Variants in PDE1A observed in about 807,000 individuals in gnomAD.
PDE1A encodes the protein phosphodiesterase 1A.
In PDE1A, 35 loss-of-function variants were observed where a neutral mutation model predicts 61.7. The observed-to-expected ratio is 0.57, with a 90% CI of 0.43 to 0.75. The LOEUF (loss-of-function observed/expected upper bound fraction) is 0.75. PDE1A is among the 30% of genes least tolerant of loss of function. The pLI is 0.00. For missense variants in PDE1A, 597 were observed against 630.6 expected, an observed-to-expected ratio of 0.95 and a Z score of 0.57; for synonymous variants, 232 against 213.2, an observed-to-expected ratio of 1.09 and a Z score of -0.77.
chr2:182,142,203 C>T (rs1191501620), downstream of PDE1A: 1 of 151,538 alleles, frequency 6.6e-6, no homozygotes, highest in Admixed American at 6.6e-5. Flanking sequence ...TTGTTACATT[C>T]TGATGGGATA....
At chr2:182,609,563 G>A in the PDE1A span, among the ~76,000 whole-genome samples, 3 of 152,138 alleles carry the variant, frequency 2.0e-5, no homozygotes, top group African/African-American at 4.8e-5. Context: ...AACTCCAGAC[G>A]TGCCGTCTTA....
chr2:182,283,326 G>T (rs1321189777), intron 1 of PDE1A, among the ~76,000 whole-genome samples: 1 of 151,786 alleles, frequency 6.6e-6, no homozygotes, highest in Non-Finnish European at 1.5e-5. Context: ...AAAACAAGTT[G>T]CTTAAACTGG....
chr2:182,499,394 T>G (rs1688953714), intron 2 of PDE1A, among the ~76,000 whole-genome samples: 1 of 152,108 alleles, frequency 6.6e-6, no homozygotes, highest in Non-Finnish European at 1.5e-5. Flanking sequence ...GCCATAATTT[T>G]TGTATTTTTA....
chr2:182,156,589 T>C (rs562895566), intron 13 of PDE1A, among the ~76,000 whole-genome samples: 1 of 152,360 alleles, frequency 6.6e-6, no homozygotes, highest in East Asian at 1.9e-4. Context: ...ATTTTTCATC[T>C]TCCTTCTCTA....
At chr2:182,280,794 ACCAT>A (rs1402082503) in intron 1 of PDE1A, among the ~76,000 whole-genome samples, 5 of 151,870 alleles carry the variant, frequency 3.3e-5, no homozygotes, top group African/African-American at 4.8e-5. Flanking sequence ...AATACATGTG[ACCAT>A]CCATCACCTT....
At chr2:182,292,790 C>T (rs2125890817) in intron 1 of PDE1A, among the ~76,000 whole-genome samples, 1 of 152,148 alleles carries the variant, frequency 6.6e-6, no homozygotes, top group South Asian at 2.1e-4. Context: ...TGATGTTTCT[C>T]ATTCCACATT....
the PDE1A span, among the ~76,000 whole-genome samples, chr2:182,691,500 C>A: frequency 6.6e-6 from 1 of 152,166 alleles, no homozygotes; most frequent in East Asian, 1.9e-4. Context: ...AAACTGGATC[C>A]CTTCCTTGCA....
the PDE1A span, among the ~76,000 whole-genome samples, chr2:182,600,550 T>C: frequency 6.6e-6 from 1 of 152,142 alleles, no homozygotes; most frequent in East Asian, 1.9e-4. Flanking sequence ...GGGGGATGGA[T>C]TTAGATGACA....
chr2:182,186,009 CA>C lies in PDE1A; in HGVS notation c.1398del (p.Ser466ArgfsTer16). 1 of 1,614,014 alleles carries C rather than the reference CA, an allele frequency of 6.2e-7. No homozygotes were observed. Among genetic ancestry groups the C allele is most frequent in the Non-Finnish European group, 8.5e-7 (1 of 1,179,910 alleles). The stretch of plus-strand genomic sequence containing the variant: ...GAGTAGTCTGGGGAATAGGACCCAT[CA>C]CTCATGGAGCCTTTTGTATTTGATC... On this transcript the variant is annotated frameshift_variant, in exon 13 of 14. Transcript: ENST00000351439. LOFTEE classifies it high-confidence loss of function.
the PDE1A span, among the ~76,000 whole-genome samples, chr2:182,590,864 T>C: frequency 6.6e-6 from 1 of 152,210 alleles, no homozygotes; most frequent in Non-Finnish European, 1.5e-5. Flanking sequence ...ACTTGCCTAC[T>C]AGCGAAACAA....
chr2:182,188,086 G>A (rs1309845968), intron 11 of PDE1A, among the ~76,000 whole-genome samples: 1 of 152,034 alleles, frequency 6.6e-6, no homozygotes, highest in African/African-American at 2.4e-5. Flanking sequence ...ACTGTCAACT[G>A]GGGCATCACC....
intron 1 of PDE1A, among the ~76,000 whole-genome samples, chr2:182,301,528 G>A (rs1252432314): frequency 6.6e-6 from 1 of 152,180 alleles, no homozygotes; most frequent in Non-Finnish European, 1.5e-5. Flanking sequence ...TGGTGCAGGG[G>A]TGCTTTTACA....
At chr2:182,294,439 G>A (rs1027293295) in intron 1 of PDE1A, among the ~76,000 whole-genome samples, 9 of 152,136 alleles carry the variant, frequency 5.9e-5, no homozygotes, top group African/African-American at 2.2e-4. Context: ...ACTCATATGA[G>A]TTTTATAATT....
intron 6 of PDE1A, among the ~76,000 whole-genome samples, chr2:182,225,258 G>A (rs1036831576): frequency 2.0e-5 from 3 of 151,934 alleles, no homozygotes; most frequent in African/African-American, 4.8e-5. Flanking sequence ...GGAGAATCAA[G>A]TGAAGTGTAA....
intron 2 of PDE1A, among the ~76,000 whole-genome samples, chr2:182,478,172 G>C (rs1687490042): frequency 6.6e-6 from 1 of 151,722 alleles, no homozygotes; most frequent in African/African-American, 2.4e-5. Flanking sequence ...GTAGAATTTT[G>C]AAAATAAACA....
intron 1 of PDE1A, among the ~76,000 whole-genome samples, chr2:182,387,738 C>T (rs1701196311): frequency 1.4e-5 from 2 of 145,118 alleles, no homozygotes; most frequent in South Asian, 2.2e-4. Flanking sequence ...GTCTGGGTGA[C>T]AAGAGTAAAA....
the PDE1A span, among the ~76,000 whole-genome samples, chr2:182,562,063 G>A: frequency 2.5e-3 from 371 of 150,074 alleles, 2 homozygotes; most frequent in Non-Finnish European, 3.5e-3. Context: ...TCTCCTGCCT[G>A]ATTGCCCTGG....
intron 1 of PDE1A, among the ~76,000 whole-genome samples, chr2:182,334,815 A>T (rs1476058435): frequency 6.6e-6 from 1 of 152,208 alleles, no homozygotes; most frequent in African/African-American, 2.4e-5. Flanking sequence ...GTATTCAAAT[A>T]GGAAGAGAGG....
downstream of PDE1A, among the ~76,000 whole-genome samples, chr2:182,166,072 G>A (rs1487686672): frequency 1.3e-5 from 2 of 152,106 alleles, no homozygotes; most frequent in Admixed American, 1.3e-4. Context: ...GTCTTCATCT[G>A]GAGATTAGGT....
Sources: gnomAD v4.1 joint callset for allele counts (sites outside exome capture counted in the v4.1 genomes callset) on GRCh38, gnomAD v4.1.1 for gene constraint, MANE v1.5 for transcripts, NCBI Gene and HGNC (gene_info 2026-07-23, HGNC 2026-07-21) for gene names.